The following KCNIP4 variants were observed in gnomAD, a reference collection of about 807,000 sequenced individuals.
The protein encoded by KCNIP4 is potassium voltage-gated channel interacting protein 4.
KCNIP4 carries 12 observed loss-of-function variants against 34.0 expected under a neutral mutation model. The observed-to-expected ratio is 0.35, with a 90% confidence interval of 0.23 to 0.57. The LOEUF (loss-of-function observed/expected upper bound fraction) is 0.57. Among genes scored for constraint, KCNIP4 ranks in the 20% least tolerant of loss-of-function variants. KCNIP4 has a pLI of 0.83. For synonymous variants in KCNIP4, 124 were observed against 102.2 expected, an observed-to-expected ratio of 1.21 and a Z score of -1.29; for missense variants, 238 against 311.7, an observed-to-expected ratio of 0.76 and a Z score of 1.78.
chr4:21,148,625 A>G (rs1752550908), intron 1 of KCNIP4, among the ~76,000 whole-genome samples: 1 of 152,014 alleles, frequency 6.6e-6, no homozygotes, highest in Non-Finnish European at 1.5e-5. Flanking sequence ...TTCCTGTATC[A>G]GTTCAAAAAA....
chr4:21,797,035 A>G (rs6833077), intron 1 of KCNIP4, among the ~76,000 whole-genome samples: 16,000 of 152,188 alleles, frequency 0.11, 2,873 homozygotes, highest in African/African-American at 0.37. Flanking sequence ...TTCTACCATC[A>G]CTAGTCACAG....
chr4:21,909,376 A>AG (rs1452134335), intron 1 of KCNIP4, among the ~76,000 whole-genome samples: 2 of 152,032 alleles, frequency 1.3e-5, no homozygotes, highest in Admixed American at 1.3e-4. Flanking sequence ...TCTTTACTTA[A>AG]GGGTCTCCTC....
chr4:21,213,894 C>T (rs1560179559), intron 1 of KCNIP4, among the ~76,000 whole-genome samples: 1 of 152,144 alleles, frequency 6.6e-6, no homozygotes, highest in Non-Finnish European at 1.5e-5. Context: ...TCCTTGATTT[C>T]TCCACCTCAC....
In KCNIP4 at chr4:21,693,453, C is replaced by T. The variant is rs181749459; in HGVS notation, c.61+255118G>A. Among the ~76,000 whole-genome samples, 225 of 151,904 alleles carry T rather than the reference C, an allele frequency of 1.5e-3. 2 individuals are homozygous for T. Among genetic ancestry groups the T allele is most frequent in the Middle Eastern group, 6.8e-3 (2 of 294 alleles). ...GAGAGCGCCTGTAATCCCAGCTACT[C>T]GGGAGGCTGAGGCAGAGAGAATTGA... On this transcript the variant is annotated intron_variant, in intron 1 of 8. Transcript: ENST00000382152.
At chr4:21,777,663 G>A (rs1450731) in intron 1 of KCNIP4, among the ~76,000 whole-genome samples, 97,523 of 151,980 alleles carry the variant, frequency 0.64, 32,408 homozygotes, top group Non-Finnish European at 0.73. Context: ...AACTCCTATT[G>A]TGAACTCTAC....
intron 1 of KCNIP4, among the ~76,000 whole-genome samples, chr4:21,529,832 C>T (rs938237468): frequency 1.3e-5 from 2 of 152,140 alleles, no homozygotes; most frequent in Non-Finnish European, 1.5e-5. Context: ...CCTTTCTTAA[C>T]ATGAAATACA....
At chr4:21,857,556 A>G (rs1235186138) in intron 1 of KCNIP4, among the ~76,000 whole-genome samples, 1 of 151,900 alleles carries the variant, frequency 6.6e-6, no homozygotes, top group African/African-American at 2.4e-5. Context: ...TGTGGAGAGG[A>G]GCTAACCACT....
intron 1 of KCNIP4, among the ~76,000 whole-genome samples, chr4:21,103,471 T>C (rs1748147443): frequency 6.7e-6 from 1 of 150,020 alleles, no homozygotes; most frequent in Non-Finnish European, 1.5e-5. Flanking sequence ...TTATTTTAAT[T>C]ATATCATTAT....
rs575370365 is a variant in KCNIP4 at position 21,519,534 on chromosome 4, A to G, written c.61+429037T>C. Among the ~76,000 whole-genome samples, 33 of 88,130 alleles carry G rather than the reference A, an allele frequency of 3.7e-4. 3 individuals carry two copies. The highest frequency in any genetic ancestry group is 8.1e-4 in the Admixed American group (8 of 9,836). 57.8% of individuals were successfully genotyped at this position (88,130 alleles called of 152,430 possible). A position where few individuals can be genotyped will look rare whatever the true frequency, so the allele number is the denominator to read the frequency against. ...TATATACACATATGTGTGTATGTGT[A>G]TGTGTATATACACATATGTGTGTAT... On this transcript the variant is annotated intron_variant, in intron 1 of 8. Coordinates refer to ENST00000382152, the MANE Select transcript of KCNIP4 (RefSeq NM_025221.6).
intron 1 of KCNIP4, among the ~76,000 whole-genome samples, chr4:21,863,148 A>G (rs1036820148): frequency 2.0e-5 from 3 of 152,058 alleles, no homozygotes; most frequent in African/African-American, 7.2e-5. Flanking sequence ...CTGTTATTCT[A>G]TGAAGTCGTT....
intron 1 of KCNIP4, among the ~76,000 whole-genome samples, chr4:21,552,641 C>G (rs545545279): frequency 6.6e-6 from 1 of 152,038 alleles, no homozygotes; most frequent in Non-Finnish European, 1.5e-5. Context: ...ATTTATAAAG[C>G]GGGATAGAGG....
intron 1 of KCNIP4, among the ~76,000 whole-genome samples, chr4:21,347,374 A>C (rs1238163582): frequency 6.6e-6 from 1 of 152,162 alleles, no homozygotes; most frequent in Non-Finnish European, 1.5e-5. Context: ...TGCCACTACT[A>C]CTAGAGACAC....
At chr4:20,900,933 G>A (rs1009116210) in intron 1 of KCNIP4, among the ~76,000 whole-genome samples, 1 of 152,154 alleles carries the variant, frequency 6.6e-6, no homozygotes, top group Non-Finnish European at 1.5e-5. Flanking sequence ...GAAAATTATG[G>A]ATCCTATCTA....
Position 20,729,324 on chromosome 4 carries a change from T to TAA in KCNIP4, c.*756_*757dup, listed in dbSNP as rs1747138178. The TAA allele has an allele frequency of 6.6e-6, 1 of 151,552 alleles. No individual in the cohort carries two copies. Among genetic ancestry groups the TAA allele is most frequent in the East Asian group, 2.0e-4 (1 of 5,000 alleles). 9.4% of individuals were successfully genotyped at this position (151,552 alleles called of 1,614,324 possible). A position where few individuals can be genotyped will look rare whatever the true frequency, so the allele number is the denominator to read the frequency against. ...TCAACTTCCACTTAATGATTGATAC[T>TAA]AATGATTGATACAATAGAAAACAGC... On this transcript the variant is annotated 3_prime_UTR_variant, in exon 9 of 9. Coordinates refer to ENST00000382152, the MANE Select transcript of KCNIP4 (RefSeq NM_025221.6).
intron 1 of KCNIP4, among the ~76,000 whole-genome samples, chr4:21,025,376 C>T (rs370438643): frequency 2.7e-5 from 4 of 150,830 alleles, no homozygotes; most frequent in South Asian, 4.3e-4. Context: ...GAGCCAAATT[C>T]TATTCTTAGT....
chr4:21,064,000 T>C (rs2108978888), intron 1 of KCNIP4, among the ~76,000 whole-genome samples: 1 of 152,294 alleles, frequency 6.6e-6, no homozygotes, highest in East Asian at 1.9e-4. Flanking sequence ...ATCTCAATGG[T>C]TGAAAACTGT....
At position 21,798,520 on chromosome 4, in the gene KCNIP4, A is replaced by G. The variant is rs1401127822; in HGVS notation, c.61+150051T>C. Among the ~76,000 whole-genome samples, 10 of 38,846 alleles carry G rather than the reference A, an allele frequency of 2.6e-4. No homozygotes were observed. In the East Asian group the frequency reaches 7.0e-3, roughly 27 times the overall value. The allele number at this position is 38,846 out of a possible 152,430, so 25.5% of individuals were successfully genotyped here. ...AGAAAGCAAGACCCTGGGAAAAAAA[A>G]AAAAAAAAAAAAGGAAAGAGAGAGA... On this transcript the variant is annotated intron_variant, in intron 1 of 8. Transcript: ENST00000382152.
Position 21,517,336 on chromosome 4 carries a change from G to A in KCNIP4, c.61+431235C>T, listed in dbSNP as rs180748263. Reference sequence around the variant, plus strand: ...CCTTACTCTGCCTCACATACCAGAGGAGCCCAGTCATAAATGACACAGGAA... The same window carrying A: ...CCTTACTCTGCCTCACATACCAGAGAAGCCCAGTCATAAATGACACAGGAA... On this transcript the variant is annotated intron_variant, in intron 1 of 8. Transcript: ENST00000382152. Among the ~76,000 whole-genome samples, 379 of 152,196 alleles carry A rather than the reference G, an allele frequency of 2.5e-3. 3 individuals are homozygous for A. Among genetic ancestry groups the A allele is most frequent in the African/African-American group, 8.8e-3 (367 of 41,502 alleles).
At chr4:21,692,935 A>G (rs1295602977) in intron 1 of KCNIP4, among the ~76,000 whole-genome samples, 1 of 139,810 alleles carries the variant, frequency 7.2e-6, no homozygotes, top group African/African-American at 2.7e-5. Context: ...TGTCTGCCCT[A>G]TGTGTAAATG....
Sources: gnomAD v4.1 joint callset for allele counts (sites outside exome capture counted in the v4.1 genomes callset) on GRCh38, gnomAD v4.1.1 for gene constraint, MANE v1.5 for transcripts, NCBI Gene and HGNC (gene_info 2026-07-23, HGNC 2026-07-21) for gene names.